CPA4: variants seen among roughly 807,000 people sequenced by gnomAD.
CPA4 encodes the protein carboxypeptidase A4.
In CPA4, 49 loss-of-function variants were observed where a neutral mutation model predicts 54.7. The observed-to-expected ratio is 0.90, with a 90% CI of 0.71 to 1.14. CPA4 has a LOEUF of 1.14. CPA4 is among the 50% of genes most tolerant of loss of function. CPA4 has a pLI of 0.00. For missense variants in CPA4, 487 were observed against 525.1 expected (o/e 0.93, Z 0.71); for synonymous variants, 215 against 206.8 (o/e 1.04, Z -0.34).
intron 7 of CPA4, among the ~76,000 whole-genome samples, chr7:130,307,347 C>T (rs955737580): frequency 1.3e-5 from 2 of 151,956 alleles, no homozygotes; most frequent in African/African-American, 4.8e-5. Context: ...AAATGGAGGC[C>T]GAGGCCAGGC....
intron 4 of CPA4, among the ~76,000 whole-genome samples, chr7:130,301,596 C>T (rs1793739002): frequency 6.6e-6 from 1 of 152,150 alleles, no homozygotes; most frequent in Admixed American, 6.5e-5. Context: ...GATCACTCCC[C>T]CACATCTAAA....
chr7:130,301,919 C>T (rs1793743876), intron 4 of CPA4, among the ~76,000 whole-genome samples: 1 of 152,184 alleles, frequency 6.6e-6, no homozygotes, highest in Admixed American at 6.5e-5. Flanking sequence ...GGGATCAAGC[C>T]CATGAAATCA....
At position 130,300,825 on chromosome 7, in the gene CPA4, G is replaced by T; in HGVS notation, c.295G>T (p.Asp99Tyr). 1 of 1,612,554 alleles carries T rather than the reference G, an allele frequency of 6.2e-7. No homozygotes were observed. The highest frequency in any genetic ancestry group is 8.5e-7 in the Non-Finnish European group (1 of 1,178,600). The stretch of plus-strand genomic sequence containing the variant: ...TGCTGTGTGTTTTCAGGCCCTTTTA[G>T]ACAATGAAGATGATGAAATGCAACA... ...VTIEDLQALL[D>Y]NEDDEMQHNE... The change falls in exon 4 of 11, where the codon GAC (aspartate) becomes TAC (tyrosine). Residue 99 changes from aspartate to tyrosine, a missense_variant. By Grantham distance (160) the Asp-to-Tyr change is radical. Transcript: ENST00000222482.
At chr7:130,316,145 G>A (rs1356794947) in intron 10 of CPA4, among the ~76,000 whole-genome samples, 1 of 152,172 alleles carries the variant, frequency 6.6e-6, no homozygotes, top group Non-Finnish European at 1.5e-5. Flanking sequence ...TTGCTCAATA[G>A]TCAGCCTCAC....
At chr7:130,321,390 C>T (rs1794096548) in intron 10 of CPA4, among the ~76,000 whole-genome samples, 1 of 152,038 alleles carries the variant, frequency 6.6e-6, no homozygotes, top group East Asian at 1.9e-4. Context: ...AATCCTAAAA[C>T]TTAGCAGCTT....
In CPA4 at chr7:130,294,715, C is replaced by A. The variant is rs561791570; in HGVS notation, c.68+1467C>A. Among the ~76,000 whole-genome samples, 4 of 152,346 alleles carry A rather than the reference C, an allele frequency of 2.6e-5. No individual in the cohort carries two copies. The South Asian group carries it at 8.3e-4, about 32-fold the overall frequency. On this transcript the variant is annotated intron_variant, in intron 1 of 10. Coordinates refer to ENST00000222482, the MANE Select transcript of CPA4 (RefSeq NM_016352.4). ...CTGAGCTGACTGCAGATGGTTTGAA[C>A]TGATAGTGTCATTCTCATCCCCAAA... is the stretch of plus-strand genomic sequence containing the variant.
intron 4 of CPA4, among the ~76,000 whole-genome samples, chr7:130,302,565 T>G (rs1793755537): frequency 1.3e-5 from 2 of 152,222 alleles, no homozygotes; most frequent in Non-Finnish European, 2.9e-5. Context: ...AGTGGGAATT[T>G]CATGTTTGTC....
intron 3 of CPA4, 173 bp downstream of exon 3, chr7:130,299,577 A>G (rs534988921): frequency 1.6e-6 from 1 of 611,344 alleles, no homozygotes; most frequent in Admixed American, 2.9e-5. Flanking sequence ...AACATTTTGT[A>G]GTAGAAAGGG....
intron 8 of CPA4, among the ~76,000 whole-genome samples, chr7:130,309,037 G>T (rs1793872452): frequency 6.6e-6 from 1 of 152,060 alleles, no homozygotes; most frequent in Admixed American, 6.6e-5. Context: ...GTAGAGACAG[G>T]GTTTTGCCAT....
intron 10 of CPA4, among the ~76,000 whole-genome samples, chr7:130,315,129 C>G (rs1793970175): frequency 6.6e-6 from 1 of 151,776 alleles, no homozygotes; most frequent in African/African-American, 2.4e-5. Context: ...GGGGGTAGGA[C>G]TGGGATCCCA....
intron 10 of CPA4, among the ~76,000 whole-genome samples, chr7:130,318,986 T>C (rs985442941): frequency 1.3e-5 from 2 of 152,210 alleles, no homozygotes; most frequent in Non-Finnish European, 2.9e-5. Flanking sequence ...AGCCCCTTTT[T>C]TCATGGTTAA....
Position 130,293,174 on chromosome 7 carries a change from C to A in CPA4, c.-7C>A. On this transcript the variant is annotated 5_prime_UTR_variant, in exon 1 of 11. Coordinates refer to ENST00000222482, the MANE Select transcript of CPA4 (RefSeq NM_016352.4). ...CTCAGCCACTGTATGACTGACTCCCCGGGGACATGAGGTGGATACTGTTCA... is the reference window on the plus strand; with the variant it reads ...CTCAGCCACTGTATGACTGACTCCCAGGGGACATGAGGTGGATACTGTTCA... 6.2e-7 allele frequency: 1 copy of A among 1,600,858 alleles called. No individual in the cohort carries two copies. The highest frequency in any genetic ancestry group is 8.6e-7 in the Non-Finnish European group (1 of 1,167,984).
intron 1 of CPA4, chr7:130,293,659 A>C: frequency 1.0e-5 from 2 of 192,914 alleles, no homozygotes; most frequent in South Asian, 9.3e-5. Context: ...ATAAAGGGAA[A>C]CCCTGGGTCT....
At position 130,322,941 on chromosome 7, in the gene CPA4, GCGGCTGCACTCAGCATCA is replaced by G; in HGVS notation, c.*267_*284del. 1 of 371,794 alleles carries G rather than the reference GCGGCTGCACTCAGCATCA, an allele frequency of 2.7e-6. No homozygotes were observed. The highest frequency in any genetic ancestry group is 4.8e-6 in the Non-Finnish European group (1 of 206,272). 23.0% of individuals were successfully genotyped at this position (371,794 alleles called of 1,614,324 possible). A position where few individuals can be genotyped will look rare whatever the true frequency, so the allele number is the denominator to read the frequency against. On this transcript the variant is annotated 3_prime_UTR_variant, in exon 11 of 11. Transcript: ENST00000222482. ...TTTCTCCTTCCACCCTGCTGGCTGG[GCGGCTGCACTCAGCATCA>G]CCCCTTCCTGGGTGGCATGTCTCTC...
chr7:130,310,908 C>T lies in CPA4; in HGVS notation c.915C>T (p.Ile305=), dbSNP rs771119783. The part of the protein sequence containing the change: ...IQKHGNFKGF[I]DLHSYSQLLM... ...AACATGGGAATTTCAAGGGCTTCAT[C>T]GACCTGCACAGCTACTCGCAGCTGC... The change falls in exon 9 of 11, where the codon ATC becomes ATT. Residue 305 remains isoleucine, a synonymous_variant. Transcript: ENST00000222482. This position sits in a 1 kb window ranked among gnomAD's most constrained non-coding sequence, Gnocchi z 4.3. 4.3e-6 allele frequency: 7 copies of T among 1,614,010 alleles called. No individual in the cohort carries two copies. The highest frequency in any genetic ancestry group is 1.1e-5 in the South Asian group (1 of 91,076).
At chr7:130,301,037 T>G (rs1319431595) in intron 4 of CPA4, 123 bp downstream of exon 4, 2 of 671,720 alleles carry the variant, frequency 3.0e-6, no homozygotes, top group East Asian at 5.4e-5. Context: ...GGCTAAAATG[T>G]GTACACTTCA....
Position 130,310,906 on chromosome 7 carries a change from A to C in CPA4, c.913A>C (p.Ile305Leu). The C allele has an allele frequency of 1.2e-6, 2 of 1,614,182 alleles. No homozygotes were observed. The highest frequency in any genetic ancestry group is 1.7e-6 in the Non-Finnish European group (2 of 1,180,036). ...IQKHGNFKGF[I>L]DLHSYSQLLM... ...AAAACATGGGAATTTCAAGGGCTTC[A>C]TCGACCTGCACAGCTACTCGCAGCT... Residue 305 changes from isoleucine (I) to leucine (L), a missense_variant, in exon 9 of 11, where the codon ATC becomes CTC. Ile to Leu is a conservative substitution (Grantham distance 5). Coordinates refer to ENST00000222482, the MANE Select transcript of CPA4 (RefSeq NM_016352.4). The surrounding 1 kb of genome is among the most constrained non-coding windows in gnomAD (Gnocchi z 4.3).
intron 8 of CPA4, among the ~76,000 whole-genome samples, chr7:130,309,315 CT>C (rs143950279): frequency 0.051 from 7,763 of 152,312 alleles, 280 homozygotes; most frequent in Middle Eastern, 0.095. Context: ...ACCTTCACCC[CT>C]GACCCTACCA....
At position 130,324,097 on chromosome 7, in the gene CPA4, T is replaced by C. The variant is rs1454729578; in HGVS notation, c.*1421T>C. 1.3e-5 allele frequency: 2 copies of C among 152,634 alleles called. No homozygotes were observed. Among genetic ancestry groups the C allele is most frequent in the Admixed American group, 1.3e-4 (2 of 15,266 alleles). The allele number at this position is 152,634 out of a possible 1,614,324, so 9.5% of individuals were successfully genotyped here. A position where few individuals can be genotyped will look rare whatever the true frequency, so the allele number is the denominator to read the frequency against. ...TGTTTTTTTGCTTTTACCAAACATG[T>C]CTGTAAATCTTAACCTCCTGCCTAG... On this transcript the variant is annotated 3_prime_UTR_variant, in exon 11 of 11. Transcript: ENST00000222482.
Sources: allele counts gnomAD v4.1 joint callset (sites outside exome capture counted in the v4.1 genomes callset), GRCh38; gene constraint gnomAD v4.1.1; non-coding constraint Gnocchi (gnomAD v3.1); transcripts MANE v1.5; gene names NCBI Gene and HGNC (gene_info 2026-07-23, HGNC 2026-07-21).